BCKDHB: variants seen among roughly 807,000 people sequenced by gnomAD.
BCKDHB encodes the protein 2-oxoisovalerate dehydrogenase subunit beta, mitochondrial.
A neutral mutation model predicts 48.5 loss-of-function variants in BCKDHB; 41 were observed. That is an observed-to-expected ratio of 0.85 (90% CI 0.66 to 1.10). The LOEUF (loss-of-function observed/expected upper bound fraction) is 1.10. BCKDHB is among the 50% of genes least tolerant of loss of function. BCKDHB has a pLI of 0.00. For missense variants in BCKDHB, 496 were observed against 494.2 expected (o/e 1.00, Z -0.03); for synonymous variants, 201 against 174.8 (o/e 1.15, Z -1.18).
At chr6:80,123,667 A>C (rs1254359222) in intron 1 of BCKDHB, among the ~76,000 whole-genome samples, 1 of 151,916 alleles carries the variant, frequency 6.6e-6, no homozygotes, top group African/African-American at 2.4e-5. Flanking sequence ...TAGATTTTCT[A>C]GTTTATTTGC....
intron 9 of BCKDHB, among the ~76,000 whole-genome samples, chr6:80,294,259 A>G (rs1302391707): frequency 6.6e-6 from 1 of 152,166 alleles, no homozygotes; most frequent in Non-Finnish European, 1.5e-5. Flanking sequence ...TCTTATGCCT[A>G]TCTTTACTTT....
At chr6:80,364,119 T>A in the BCKDHB span, among the ~76,000 whole-genome samples, 1 of 152,258 alleles carries the variant, frequency 6.6e-6, no homozygotes, top group Non-Finnish European at 1.5e-5. Context: ...CCTGCCTGTT[T>A]TTCTTCTTTT....
At chr6:80,360,833 C>T in the BCKDHB span, among the ~76,000 whole-genome samples, 3 of 151,496 alleles carry the variant, frequency 2.0e-5, no homozygotes, top group Admixed American at 6.6e-5. Flanking sequence ...TGGTGAAACC[C>T]GTCTCTACTA....
chr6:80,272,033 A>G (rs1279598394), intron 8 of BCKDHB, among the ~76,000 whole-genome samples: 2 of 152,164 alleles, frequency 1.3e-5, no homozygotes, highest in South Asian at 2.1e-4. Context: ...AAAGCCAAAT[A>G]CAAATATCCT....
chr6:80,454,294 G>C, the BCKDHB span: 1 of 152,188 alleles, frequency 6.6e-6, no homozygotes, highest in Non-Finnish European at 1.5e-5. Flanking sequence ...ACTGTCTCTT[G>C]AGAGCAAAAC....
chr6:80,444,101 A>G, the BCKDHB span, among the ~76,000 whole-genome samples: 1 of 152,096 alleles, frequency 6.6e-6, no homozygotes, highest in Non-Finnish European at 1.5e-5. Flanking sequence ...TACAATTTTT[A>G]GTTAGCTAGA....
the BCKDHB span, among the ~76,000 whole-genome samples, chr6:80,406,941 C>T: frequency 2.6e-5 from 4 of 152,156 alleles, no homozygotes; most frequent in Admixed American, 1.3e-4. Context: ...ATGCCTATGT[C>T]CTGAATAGTA....
At chr6:80,354,915 A>G in the BCKDHB span, among the ~76,000 whole-genome samples, 3 of 152,342 alleles carry the variant, frequency 2.0e-5, no homozygotes, top group East Asian at 5.8e-4. Flanking sequence ...GCCTTATAGT[A>G]TAATTTGAAA....
At chr6:80,297,486 A>G (rs530709551) in intron 9 of BCKDHB, among the ~76,000 whole-genome samples, 1 of 152,204 alleles carries the variant, frequency 6.6e-6, no homozygotes, top group Non-Finnish European at 1.5e-5. Flanking sequence ...ACATAGAGAG[A>G]CAGAAGGTCC....
Position 80,344,104 on chromosome 6 carries a change from A to G in BCKDHB, c.*300A>G, listed in dbSNP as rs1376168171. The G allele has an allele frequency of 1.3e-5, 5 of 386,382 alleles. No homozygotes were observed. The East Asian group carries it at 3.1e-4, about 24-fold the overall frequency. 23.9% of individuals were successfully genotyped at this position (386,382 alleles called of 1,614,324 possible). On this transcript the variant is annotated 3_prime_UTR_variant, in exon 10 of 10. Coordinates refer to ENST00000320393, the MANE Select transcript of BCKDHB (RefSeq NM_183050.4). ...CAACCTCCCCCCTACCCCTGAGTTC[A>G]AGCGATTCTCCTGCCTCAGCCTGCT...
intron 8 of BCKDHB, among the ~76,000 whole-genome samples, chr6:80,229,801 A>T (rs1775832361): frequency 6.6e-6 from 1 of 152,058 alleles, no homozygotes; most frequent in South Asian, 2.1e-4. Context: ...AATAGCCAGA[A>T]ATGGAAAATG....
At chr6:80,408,171 T>C in the BCKDHB span, among the ~76,000 whole-genome samples, 4 of 152,220 alleles carry the variant, frequency 2.6e-5, no homozygotes, top group Admixed American at 2.0e-4. Flanking sequence ...GATTTGCATA[T>C]GTTGAACCAG....
At chr6:80,324,145 C>G (rs1464017017) in intron 9 of BCKDHB, among the ~76,000 whole-genome samples, 1 of 152,156 alleles carries the variant, frequency 6.6e-6, no homozygotes, top group African/African-American at 2.4e-5. Context: ...AGAAAAAAAT[C>G]ACTGAATTAA....
At chr6:80,197,603 A>G (rs1774189244) in intron 6 of BCKDHB, among the ~76,000 whole-genome samples, 1 of 152,082 alleles carries the variant, frequency 6.6e-6, no homozygotes, top group African/African-American at 2.4e-5. Flanking sequence ...TGTTCCAGGG[A>G]TTTGCTAATC....
chr6:80,373,771 T>G, the BCKDHB span, among the ~76,000 whole-genome samples: 1 of 152,202 alleles, frequency 6.6e-6, no homozygotes, highest in Non-Finnish European at 1.5e-5. Context: ...CCTCTTTGTC[T>G]TTTTTAACTG....
rs190386331 is a variant in BCKDHB at position 80,250,875 on chromosome 6, G to T, written c.952-22260G>T. Among the ~76,000 whole-genome samples the T allele has an allele frequency of 2.4e-3, 358 of 152,288 alleles. 1 individual carries two copies. Among genetic ancestry groups the T allele is most frequent in the Non-Finnish European group, 3.5e-3 (236 of 68,028 alleles). On this transcript the variant is annotated intron_variant, in intron 8 of 9. Coordinates refer to ENST00000320393, the MANE Select transcript of BCKDHB (RefSeq NM_183050.4). ...CCCACATCTGTGAAGTCCACTTAGG[G>T]TTATGAAGATTTAATGTAATTATGA...
chr6:80,401,756 G>A, the BCKDHB span, among the ~76,000 whole-genome samples: 2 of 151,464 alleles, frequency 1.3e-5, no homozygotes, highest in South Asian at 2.1e-4. Context: ...CAAATCTTTG[G>A]CAACCACCAT....
Position 80,168,984 on chromosome 6 carries a change from A to T in BCKDHB, c.587A>T (p.His196Leu), listed in dbSNP as rs398124585. The change falls in exon 5 of 10, where the codon CAT (histidine) becomes CTT (leucine). Residue 196 changes from histidine (H) to leucine (L), a missense_variant. His to Leu is a moderately conservative substitution (Grantham distance 99). Coordinates refer to ENST00000320393, the MANE Select transcript of BCKDHB (RefSeq NM_183050.4). Reference sequence around the variant, plus strand: ...TGTGTTGGTCATGGGGCTCTCTATCATTCTCAGAGTCCTGAAGCATTTTTT... The same window carrying T: ...TGTGTTGGTCATGGGGCTCTCTATCTTTCTCAGAGTCCTGAAGCATTTTTT... ...WGCVGHGALY[H>L]SQSPEAFFAH... 2 of 1,614,080 alleles carry T rather than the reference A, an allele frequency of 1.2e-6. No homozygotes were observed. The highest frequency in any genetic ancestry group is 1.7e-5 in the Admixed American group (1 of 60,008).
downstream of BCKDHB, among the ~76,000 whole-genome samples, chr6:80,349,179 A>G (rs938738992): frequency 1.3e-5 from 2 of 152,218 alleles, no homozygotes; most frequent in Admixed American, 1.3e-4. Flanking sequence ...TTAGGAAAGA[A>G]GAGTGTAACT....
Sources: allele counts gnomAD v4.1 joint callset (sites outside exome capture counted in the v4.1 genomes callset), GRCh38; gene constraint gnomAD v4.1.1; transcripts MANE v1.5; gene names NCBI Gene and HGNC (gene_info 2026-07-23, HGNC 2026-07-21).